ACBD5: variants seen among roughly 807,000 people sequenced by gnomAD.
ACBD5 encodes acyl-CoA-binding domain-containing protein 5.
A neutral mutation model predicts 71.8 loss-of-function variants in ACBD5; 40 were observed. That is an observed-to-expected ratio of 0.56 (90% confidence interval 0.43 to 0.72). The LOEUF is 0.72. Among genes scored for constraint, ACBD5 ranks in the 30% least tolerant of loss-of-function variants. The pLI, the probability that ACBD5 is intolerant of heterozygous loss-of-function variation, is 0.00. For missense variants in ACBD5, 559 were observed against 644.5 expected (o/e 0.87, Z 1.44); for synonymous variants, 229 against 218.6 (o/e 1.05, Z -0.42).
downstream of ACBD5, chr10:27,195,181 A>T (rs2059275646): frequency 2.8e-6 from 1 of 353,882 alleles, no homozygotes; most frequent in African/African-American, 2.1e-5. Flanking sequence ...TACCTAATCA[A>T]TGGGCTAATA....
chr10:27,224,691 A>G (rs2062783180), intron 4 of ACBD5, among the ~76,000 whole-genome samples: 2 of 152,232 alleles, frequency 1.3e-5, no homozygotes, highest in South Asian at 4.1e-4. Flanking sequence ...GCATATATTA[A>G]AAAGAATAAA....
Position 27,196,548 on chromosome 10 carries a change from TCG to T in ACBD5, c.*880_*881del, listed in dbSNP as rs199547489. 2.6e-6 allele frequency: 1 copy of T among 382,856 alleles called. No individual in the cohort carries two copies. The allele number at this position is 382,856 out of a possible 1,614,324, so 23.7% of individuals were successfully genotyped here. A position where few individuals can be genotyped will look rare whatever the true frequency, so the allele number is the denominator to read the frequency against. On this transcript the variant is annotated 3_prime_UTR_variant, in exon 13 of 13. Coordinates refer to ENST00000396271, the MANE Select transcript of ACBD5 (RefSeq NM_145698.5). ...TTCATCAGTTGCAGAAAAGTGATTTTCGTGTGTTTCCTTTTTGACTGTTGTAA... is the reference window on the plus strand; with the variant it reads ...TTCATCAGTTGCAGAAAAGTGATTTTTGTGTTTCCTTTTTGACTGTTGTAA...
intron 13 of ACBD5, among the ~76,000 whole-genome samples, chr10:27,185,558 G>A (rs376525172): frequency 2.0e-5 from 3 of 150,914 alleles, no homozygotes; most frequent in East Asian, 2.0e-4. Context: ...GCTTGAACCC[G>A]GGAGGCAGAG....
intron 6 of ACBD5, 125 bp from the exon 7 acceptor site, chr10:27,218,308 G>T: frequency 1.2e-6 from 1 of 808,774 alleles, no homozygotes; most frequent in South Asian, 1.4e-5. Context: ...TTTCCTACTT[G>T]GATCAAAGAG....
Position 27,218,083 on chromosome 10 carries a change from G to A in ACBD5, c.726C>T (p.Asp242=), listed in dbSNP as rs776873548. Residue 242 remains aspartate, a synonymous_variant, in exon 7 of 13, where the codon GAC becomes GAT. Coordinates refer to ENST00000396271, the MANE Select transcript of ACBD5 (RefSeq NM_145698.5). ...CATTCAGGGAAGAACTGGCATGAAT[G>A]TCATTCTGTATATCCTGAACAAAGC... ...KDGFVQDIQN[D]IHASSSLNGR... The A allele has an allele frequency of 3.7e-6, 6 of 1,614,058 alleles. No individual in the cohort carries two copies. The highest frequency in any genetic ancestry group is 5.1e-6 in the Non-Finnish European group (6 of 1,179,974).
intron 5 of ACBD5, among the ~76,000 whole-genome samples, chr10:27,222,573 GTTTT>G (rs11478899): frequency 6.6e-6 from 1 of 151,916 alleles, no homozygotes; most frequent in African/African-American, 2.4e-5. Context: ...TTTTTTGTTT[GTTTT>G]TTTCTTTTTT....
intron 8 of ACBD5, among the ~76,000 whole-genome samples, chr10:27,214,530 T>C (rs1221856202): frequency 6.6e-6 from 1 of 151,882 alleles, no homozygotes; most frequent in Admixed American, 6.6e-5. Context: ...TATATACCTA[T>C]GTGCCCATTA....
chr10:27,240,037 C>T lies in ACBD5; in HGVS notation c.181+282G>A, dbSNP rs886846670. Among the ~76,000 whole-genome samples the T allele has an allele frequency of 6.6e-6, 1 of 152,160 alleles. No individual in the cohort carries two copies. Among genetic ancestry groups the T allele is most frequent in the African/African-American group, 2.4e-5 (1 of 41,424 alleles). On this transcript the variant is annotated intron_variant, in intron 2 of 12. Coordinates refer to ENST00000396271, the MANE Select transcript of ACBD5 (RefSeq NM_145698.5). The surrounding 1 kb of genome is among the most constrained non-coding windows in gnomAD (Gnocchi z 4.1). ...TGTTGGGATTACAGGCTTGAGCCAC[C>T]GCGCCCGGCCCGGATTTATTTTTTA...
intron 3 of ACBD5, chr10:27,232,183 A>T: frequency 5.1e-6 from 1 of 197,194 alleles, no homozygotes; most frequent in Non-Finnish European, 1.0e-5. Flanking sequence ...GCTAAGATCA[A>T]GTGTAGAAGA....
chr10:27,194,769 G>A (rs1361507628), downstream of ACBD5, among the ~76,000 whole-genome samples: 4 of 151,816 alleles, frequency 2.6e-5, no homozygotes, highest in African/African-American at 7.3e-5. Flanking sequence ...AGGCCGAGGC[G>A]GGTAGATCAC....
upstream of ACBD5, among the ~76,000 whole-genome samples, chr10:27,241,870 G>A (rs1009225326): frequency 1.3e-5 from 2 of 152,136 alleles, no homozygotes; most frequent in African/African-American, 4.8e-5. Context: ...AAGTGCCCCA[G>A]GCCGAACGTT....
intron 13 of ACBD5, among the ~76,000 whole-genome samples, chr10:27,183,505 G>C (rs373116115): frequency 1.3e-5 from 2 of 151,972 alleles, no homozygotes; most frequent in Non-Finnish European, 2.9e-5. Context: ...GGATGGTCTC[G>C]ATCTCTTGAC....
chr10:27,241,252 G>A (rs1392041514), upstream of ACBD5, among the ~76,000 whole-genome samples: 2 of 152,224 alleles, frequency 1.3e-5, no homozygotes, highest in South Asian at 2.1e-4. Context: ...CAGGTTCTGT[G>A]AGAAACTCCA....
chr10:27,223,566 T>C, intron 4 of ACBD5, 114 bp from the exon 5 acceptor site: 1 of 801,256 alleles, frequency 1.2e-6, no homozygotes, highest in Non-Finnish European at 2.1e-6. Context: ...TTGACATTCA[T>C]AATAGACTCT....
intron 13 of ACBD5, among the ~76,000 whole-genome samples, chr10:27,189,047 C>T (rs1438267731): frequency 6.6e-6 from 1 of 152,156 alleles, no homozygotes; most frequent in Non-Finnish European, 1.5e-5. Context: ...TATAACTTCT[C>T]CTTTGCTGGA....
intron 8 of ACBD5, among the ~76,000 whole-genome samples, chr10:27,215,123 C>T (rs988542518): frequency 1.3e-5 from 2 of 152,042 alleles, no homozygotes; most frequent in African/African-American, 4.8e-5. Flanking sequence ...GAGATTGCGC[C>T]ACTGCACTCC....
At chr10:27,186,734 C>T (rs912616214) in intron 13 of ACBD5, 83 of 590,540 alleles carry the variant, frequency 1.4e-4, no homozygotes, top group Non-Finnish European at 2.0e-4. Context: ...AACCTCAAAA[C>T]TGTATATAAA....
Position 27,240,230 on chromosome 10 carries a change from C to G in ACBD5, c.181+89G>C. 6.2e-7 allele frequency: 1 copy of G among 1,606,520 alleles called. No individual in the cohort carries two copies. Among genetic ancestry groups the G allele is most frequent in the Non-Finnish European group, 8.5e-7 (1 of 1,177,184 alleles). Reference sequence around the variant, plus strand: ...CATGGCTCCTACACAGAAAAAAAGGCTAAATAAACAACACTAGAACCAGAA... The same window carrying G: ...CATGGCTCCTACACAGAAAAAAAGGGTAAATAAACAACACTAGAACCAGAA... On this transcript the variant is annotated intron_variant, in intron 2 of 12. Coordinates refer to ENST00000396271, the MANE Select transcript of ACBD5 (RefSeq NM_145698.5). This position sits in a 1 kb window ranked among gnomAD's most constrained non-coding sequence, Gnocchi z 4.1.
At chr10:27,191,115 T>C (rs866203600), downstream of ACBD5, among the ~76,000 whole-genome samples, 2 of 152,214 alleles carry the variant, frequency 1.3e-5, no homozygotes, top group Non-Finnish European at 2.9e-5. Context: ...TATAATGGGC[T>C]ATTATTCAGC....
Sources: gnomAD v4.1 joint callset for allele counts (sites outside exome capture counted in the v4.1 genomes callset) on GRCh38, gnomAD v4.1.1 for gene constraint, Gnocchi (gnomAD v3.1) non-coding constraint, MANE v1.5 for transcripts, NCBI Gene and HGNC (gene_info 2026-07-23, HGNC 2026-07-21) for gene names.